Variants in RYR2 observed in about 807,000 individuals in gnomAD.
RYR2 encodes ryanodine receptor 2, also known as cardiac muscle ryanodine receptor-calcium release channel.
Under a neutral mutation model 601.1 loss-of-function variants are expected in RYR2, and 227 were observed. The ratio of observed to expected loss-of-function variants is 0.38; its 90% CI spans 0.34 to 0.42. The LOEUF is 0.42. Ranked by LOEUF, RYR2 falls within the 10% of genes least tolerant of loss-of-function variation. The pLI is 1.00. For missense variants in RYR2, 4,646 were observed against 6,156.5 expected (o/e 0.75, Z 8.21); for synonymous variants, 2,223 against 2,175.1 (o/e 1.02, Z -0.61).
intron 7 of RYR2, 102 bp from the exon 8 acceptor site, chr1:237,377,221 A>G (rs1251816460): frequency 1.3e-6 from 1 of 747,738 alleles, no homozygotes; most frequent in Admixed American, 2.8e-5. Flanking sequence ...ATTTGCATTA[A>G]TTCCGGATTT....
rs1334005505 is a variant in RYR2, at chr1:237,565,135, CTTTCTT to C, written c.3215-1424_3215-1419del. 6.3e-3 allele frequency among the ~76,000 whole-genome samples: 686 copies of C among 108,596 alleles called. 50 individuals carry two copies. The highest frequency in any genetic ancestry group is 8.8e-3 in the Non-Finnish European group (416 of 47,218). 71.2% of individuals were successfully genotyped at this position (108,596 alleles called of 152,430 possible). A position where few individuals can be genotyped will look rare whatever the true frequency, so the allele number is the denominator to read the frequency against. On this transcript the variant is annotated intron_variant, in intron 27 of 104. Transcript: ENST00000366574. ...TTTCTTTTTCTTTCTTTCTTTCTTTCTTTCTTTTTCTTTCTTTCTTTCTCTTTCTTT... is the reference window on the plus strand; with the variant it reads ...TTTCTTTTTCTTTCTTTCTTTCTTTCTTTCTTTCTTTCTTTCTCTTTCTTT...
rs769904090 is a variant in RYR2, at chr1:237,733,772, T to A, written c.11091+16T>A. The A allele has an allele frequency of 6.5e-7, 1 of 1,529,700 alleles. No individual in the cohort carries two copies. The highest frequency in any genetic ancestry group is 2.2e-5 in the East Asian group (1 of 44,456). 94.8% of individuals were successfully genotyped at this position (1,529,700 alleles called of 1,614,324 possible). On this transcript the variant is annotated intron_variant, in intron 79 of 104. Coordinates refer to ENST00000366574, the MANE Select transcript of RYR2 (RefSeq NM_001035.3). ...TATGGCAAAGGTAAATAAGTATCCT[T>A]CCTGATTTTCATGTTTAATTTTAAT...
At chr1:237,343,821 GTTTT>G (rs201175386) in intron 3 of RYR2, among the ~76,000 whole-genome samples, 1 of 131,508 alleles carries the variant, frequency 7.6e-6, no homozygotes. Context: ...GAGGTTTTTT[GTTTT>G]TTTTTTTTTT....
intron 10 of RYR2, among the ~76,000 whole-genome samples, chr1:237,397,666 G>C (rs116662749): frequency 0.04 from 6,043 of 152,134 alleles, 188 homozygotes; most frequent in Non-Finnish European, 0.065. Context: ...TGACCTGTAG[G>C]GGTAGGGGAC....
intron 1 of RYR2, among the ~76,000 whole-genome samples, chr1:237,072,659 T>C (rs1449771627): frequency 6.6e-6 from 1 of 152,200 alleles, no homozygotes; most frequent in Non-Finnish European, 1.5e-5. Context: ...CAGAGCATTT[T>C]AATCTGAAAA....
chr1:237,759,834 G>A lies in RYR2; in HGVS notation c.11384G>A (p.Gly3795Asp). The part of the protein sequence containing the change: ...KDVGFFQSLA[G>D]LMQSCSVLDL... ...GTGGGCTTCTTTCAGAGCCTGGCCG[G>A]CCTGATGCAGTCATGTAGGTAAGGA... The change falls in exon 83 of 105, where the codon GGC (glycine) becomes GAC (aspartate). Residue 3795 changes from glycine (G) to aspartate (D), a missense_variant. Gly to Asp is a moderately conservative substitution (Grantham distance 94). Coordinates refer to ENST00000366574, the MANE Select transcript of RYR2 (RefSeq NM_001035.3). The A allele has an allele frequency of 6.2e-7, 1 of 1,611,654 alleles. No homozygotes were observed. Among genetic ancestry groups the A allele is most frequent in the Non-Finnish European group, 8.5e-7 (1 of 1,178,166 alleles).
intron 65 of RYR2, among the ~76,000 whole-genome samples, chr1:237,701,088 A>C (rs1263012078): frequency 6.6e-6 from 1 of 152,236 alleles, no homozygotes; most frequent in Non-Finnish European, 1.5e-5. Flanking sequence ...TGCTCAGGAC[A>C]TGAGCCTTTG....
intron 2 of RYR2, among the ~76,000 whole-genome samples, chr1:237,277,744 T>G (rs1484942320): frequency 6.6e-6 from 1 of 152,110 alleles, no homozygotes; most frequent in African/African-American, 2.4e-5. Flanking sequence ...TGCTTGAGCC[T>G]AACAGTTTGA....
At chr1:237,223,988 T>C (rs1485909535) in intron 1 of RYR2, among the ~76,000 whole-genome samples, 3 of 152,230 alleles carry the variant, frequency 2.0e-5, no homozygotes, top group African/African-American at 7.2e-5. Context: ...GGTTCTACTG[T>C]AGATGTGAAT....
intron 79 of RYR2, among the ~76,000 whole-genome samples, chr1:237,741,036 G>C (rs189871461): frequency 7.2e-5 from 11 of 152,254 alleles, no homozygotes; most frequent in African/African-American, 2.6e-4. Flanking sequence ...CTTTCTGAGG[G>C]AATCATTAAC....
intron 29 of RYR2, among the ~76,000 whole-genome samples, chr1:237,579,455 C>T (rs2148356856): frequency 6.6e-6 from 1 of 152,020 alleles, no homozygotes; most frequent in African/African-American, 2.4e-5. Context: ...AGGGTTTCAC[C>T]ATTTGGTGAG....
At chr1:237,757,863 T>C (rs930979904) in intron 82 of RYR2, 87 bp downstream of exon 82, 7 of 887,830 alleles carry the variant, frequency 7.9e-6, no homozygotes, top group Non-Finnish European at 1.3e-5. Flanking sequence ...ATGTTTTATT[T>C]TCTATGTACA....
chr1:237,532,586 A>G (rs977321799), intron 25 of RYR2, among the ~76,000 whole-genome samples: 13 of 152,246 alleles, frequency 8.5e-5, no homozygotes, highest in Non-Finnish European at 1.6e-4. Flanking sequence ...TATTAAGGCT[A>G]AAACAGAACA....
At chr1:237,634,637 A>G (rs527481894) in intron 43 of RYR2, among the ~76,000 whole-genome samples, 2 of 152,342 alleles carry the variant, frequency 1.3e-5, no homozygotes, top group Non-Finnish European at 2.9e-5. Context: ...TATGTGAGGT[A>G]ATATGTATGT....
At chr1:237,618,840 A>G (rs1010110699) in intron 38 of RYR2, among the ~76,000 whole-genome samples, 2 of 152,184 alleles carry the variant, frequency 1.3e-5, no homozygotes, top group African/African-American at 4.8e-5. Context: ...CATTTCTTCC[A>G]AAGTATCAGT....
At chr1:237,280,933 C>T (rs1360683479) in intron 2 of RYR2, among the ~76,000 whole-genome samples, 1 of 151,840 alleles carries the variant, frequency 6.6e-6, no homozygotes, top group African/African-American at 2.4e-5. Context: ...TACAGGCACG[C>T]ACCACCACAC....
chr1:237,424,610 G>A (rs1244833958), intron 12 of RYR2, among the ~76,000 whole-genome samples: 1 of 152,094 alleles, frequency 6.6e-6, no homozygotes, highest in Non-Finnish European at 1.5e-5. Context: ...TTTCAATACT[G>A]GATTAGGTTT....
At chr1:237,451,580 C>A (rs1392808025) in intron 14 of RYR2, among the ~76,000 whole-genome samples, 1,303 of 119,536 alleles carry the variant, frequency 0.011, no homozygotes, top group African/African-American at 0.02. Flanking sequence ...AACTCTGTCT[C>A]AAAAAAAAAA....
intron 1 of RYR2, among the ~76,000 whole-genome samples, chr1:237,070,189 C>G (rs1664149620): frequency 1.3e-5 from 2 of 152,084 alleles, no homozygotes; most frequent in South Asian, 4.2e-4. Flanking sequence ...AGCCACCATG[C>G]CTGGACTGTG....
Sources: allele counts gnomAD v4.1 joint callset (sites outside exome capture counted in the v4.1 genomes callset), GRCh38; gene constraint gnomAD v4.1.1; transcripts MANE v1.5; gene names NCBI Gene and HGNC (gene_info 2026-07-23, HGNC 2026-07-21).